The following GABRG3 variants were observed in gnomAD, a reference collection of about 807,000 sequenced individuals.
The protein encoded by GABRG3 is gamma-aminobutyric acid receptor subunit gamma-3.
A neutral mutation model predicts 48.8 loss-of-function variants in GABRG3; 25 were observed. The observed-to-expected ratio is 0.51, with a 90% CI of 0.37 to 0.72. The LOEUF (loss-of-function observed/expected upper bound fraction) is 0.72. GABRG3 is among the 30% of genes least tolerant of loss of function. GABRG3 has a pLI of 0.00. For synonymous variants in GABRG3, 227 were observed against 217.6 expected, an observed-to-expected ratio of 1.04 and a Z score of -0.38; for missense variants, 394 against 577.9, an observed-to-expected ratio of 0.68 and a Z score of 3.26.
At chr15:27,237,915 T>C (rs142979878) in intron 3 of GABRG3, among the ~76,000 whole-genome samples, 2 of 152,300 alleles carry the variant, frequency 1.3e-5, no homozygotes, top group African/African-American at 2.4e-5. Flanking sequence ...AATTTAATTA[T>C]ATTTACACCT....
chr15:27,213,937 G>T (rs1330749261), intron 3 of GABRG3, among the ~76,000 whole-genome samples: 1 of 152,200 alleles, frequency 6.6e-6, no homozygotes, highest in African/African-American at 2.4e-5. Flanking sequence ...GAAACTCAGA[G>T]TTTCCAAAGT....
At chr15:27,148,931 C>T (rs1320970209) in intron 3 of GABRG3, among the ~76,000 whole-genome samples, 1 of 151,938 alleles carries the variant, frequency 6.6e-6, no homozygotes, top group Non-Finnish European at 1.5e-5. Flanking sequence ...ATCTTAAGAT[C>T]AGGAACAAGG....
intron 3 of GABRG3, among the ~76,000 whole-genome samples, chr15:27,279,975 T>G (rs182505431): frequency 2.3e-3 from 344 of 152,294 alleles, no homozygotes; most frequent in Non-Finnish European, 3.6e-3. Context: ...TTGACATTTT[T>G]AAAGCTATAT....
chr15:27,035,765 G>A (rs1175586882), intron 3 of GABRG3, among the ~76,000 whole-genome samples: 1 of 152,168 alleles, frequency 6.6e-6, no homozygotes, highest in African/African-American at 2.4e-5. Flanking sequence ...GCCCTATGGT[G>A]GGTGCTGATG....
intron 6 of GABRG3, among the ~76,000 whole-genome samples, chr15:27,495,898 A>G (rs1468618818): frequency 6.6e-6 from 1 of 152,102 alleles, no homozygotes; most frequent in East Asian, 1.9e-4. Flanking sequence ...GACATTTTGG[A>G]TGTTTTACTA....
At chr15:27,324,236 C>G (rs541978935) in intron 3 of GABRG3, among the ~76,000 whole-genome samples, 3 of 152,306 alleles carry the variant, frequency 2.0e-5, no homozygotes, top group Non-Finnish European at 4.4e-5. Flanking sequence ...TATACCTGTC[C>G]TGGTAGAGAC....
intron 3 of GABRG3, among the ~76,000 whole-genome samples, chr15:27,138,235 A>G (rs1234040464): frequency 6.6e-6 from 1 of 152,156 alleles, no homozygotes; most frequent in Non-Finnish European, 1.5e-5. Context: ...TTGTCTTCTT[A>G]TAAGGATTGC....
At chr15:27,305,570 T>A (rs1566766781) in intron 3 of GABRG3, among the ~76,000 whole-genome samples, 1 of 144,054 alleles carries the variant, frequency 6.9e-6, no homozygotes, top group African/African-American at 2.5e-5. Context: ...ACCTACGTGT[T>A]TATATATAAA....
At chr15:27,205,907 G>A (rs1888837406) in intron 3 of GABRG3, among the ~76,000 whole-genome samples, 1 of 151,916 alleles carries the variant, frequency 6.6e-6, no homozygotes, top group Admixed American at 6.6e-5. Flanking sequence ...TTTATGGTTG[G>A]TGGTAATGTC....
At chr15:27,530,821 A>G in intron 9 of GABRG3, 1 of 403,006 alleles carries the variant, frequency 2.5e-6, no homozygotes. Context: ...ACACAGAGGC[A>G]TGAAGCAACG....
chr15:27,165,716 A>G (rs1381726723), intron 3 of GABRG3, among the ~76,000 whole-genome samples: 2 of 152,058 alleles, frequency 1.3e-5, no homozygotes, highest in East Asian at 1.9e-4. Flanking sequence ...GTGAAAACCA[A>G]TATAAACTGC....
chr15:27,440,191 A>G (rs1009627405), intron 5 of GABRG3, among the ~76,000 whole-genome samples: 4 of 152,242 alleles, frequency 2.6e-5, no homozygotes, highest in Admixed American at 6.5e-5. Flanking sequence ...TGACAGGGCA[A>G]TGCACCGTCT....
At chr15:27,191,310 TG>T (rs949209053) in intron 3 of GABRG3, among the ~76,000 whole-genome samples, 24 of 152,190 alleles carry the variant, frequency 1.6e-4, no homozygotes, top group Admixed American at 9.2e-4. Flanking sequence ...ATCTGTCTAA[TG>T]TTGACAGTGG....
intron 3 of GABRG3, among the ~76,000 whole-genome samples, chr15:27,093,868 C>T (rs1297122964): frequency 6.6e-6 from 1 of 152,174 alleles, no homozygotes; most frequent in African/African-American, 2.4e-5. Flanking sequence ...TGCTGGGAGG[C>T]ACAGAGCATA....
chr15:27,252,608 C>T (rs1288772276), intron 3 of GABRG3, among the ~76,000 whole-genome samples: 1 of 152,180 alleles, frequency 6.6e-6, no homozygotes, highest in Admixed American at 6.5e-5. Context: ...TTCTGAATTA[C>T]AGCAGAAATT....
intron 5 of GABRG3, among the ~76,000 whole-genome samples, chr15:27,431,193 T>C (rs1416565216): frequency 6.6e-6 from 1 of 152,016 alleles, no homozygotes; most frequent in Admixed American, 6.6e-5. Context: ...ATTTTTCTTT[T>C]TCAAGATTGT....
chr15:27,311,652 CAGTT>C (rs940880917), intron 3 of GABRG3, among the ~76,000 whole-genome samples: 29 of 149,160 alleles, frequency 1.9e-4, no homozygotes, highest in East Asian at 1.6e-3. Context: ...AAAAAAAAAA[CAGTT>C]AGACAGGGAA....
At chr15:27,022,703 C>T (rs534268472) in intron 2 of GABRG3, among the ~76,000 whole-genome samples, 49 of 152,250 alleles carry the variant, frequency 3.2e-4, no homozygotes, top group Middle Eastern at 3.4e-3. Context: ...CAGACAGACC[C>T]GCCCGGCCCT....
At chr15:27,194,576 A>G (rs1888434876) in intron 3 of GABRG3, among the ~76,000 whole-genome samples, 1 of 152,194 alleles carries the variant, frequency 6.6e-6, no homozygotes. Context: ...CACTTGAAAT[A>G]TATTGTCCAA....
Sources: gnomAD v4.1 joint callset for allele counts (sites outside exome capture counted in the v4.1 genomes callset) on GRCh38, gnomAD v4.1.1 for gene constraint, MANE v1.5 for transcripts, NCBI Gene and HGNC (gene_info 2026-07-23, HGNC 2026-07-21) for gene names.